VTA1: variants seen among roughly 807,000 people sequenced by gnomAD.
VTA1 encodes the protein vacuolar protein sorting-associated protein VTA1 homolog.
In VTA1, 24 loss-of-function variants were observed where a neutral mutation model predicts 36.9. That is an observed-to-expected ratio of 0.65 (90% confidence interval 0.47 to 0.91). VTA1 has a LOEUF of 0.91. VTA1 is among the 40% of genes least tolerant of loss of function. The pLI, the probability that VTA1 is intolerant of heterozygous loss-of-function variation, is 0.00. For synonymous variants in VTA1, 142 were observed against 130.2 expected (o/e 1.09, Z -0.62); for missense variants, 393 against 377.2 (o/e 1.04, Z -0.35).
intron 1 of VTA1, among the ~76,000 whole-genome samples, chr6:142,155,059 ATAG>A (rs1562254350): frequency 6.6e-6 from 1 of 152,124 alleles, no homozygotes; most frequent in South Asian, 2.1e-4. Flanking sequence ...CATTCTTGAT[ATAG>A]TAGTTTTCTA....
chr6:142,223,760 C>G lies in VTA1; in HGVS notation c.*5117C>G, dbSNP rs180710345. The G allele has an allele frequency of 1.3e-5, 2 of 152,084 alleles. No individual in the cohort carries two copies. The highest frequency in any genetic ancestry group is 2.9e-5 in the Non-Finnish European group (2 of 68,008). The allele number at this position is 152,084 out of a possible 1,614,324, so 9.4% of individuals were successfully genotyped here. A position where few individuals can be genotyped will look rare whatever the true frequency, so the allele number is the denominator to read the frequency against. On this transcript the variant is annotated 3_prime_UTR_variant, in exon 8 of 8. Transcript: ENST00000367630. ...ATAATGCCATACTGGATATTATATA[C>G]GAGTTACAATAATTCTTCCTAAAGT...
chr6:142,202,438 C>G lies in VTA1; in HGVS notation c.698-1547C>G, dbSNP rs527625938. 7.9e-5 allele frequency among the ~76,000 whole-genome samples: 12 copies of G among 151,944 alleles called. 1 individual carries two copies. In the East Asian group the frequency reaches 2.3e-3, roughly 29 times the overall value. On this transcript the variant is annotated intron_variant, in intron 6 of 7. Coordinates refer to ENST00000367630, the MANE Select transcript of VTA1 (RefSeq NM_016485.5). ...TGGAAATTAAAACTTAAATGTCCAT[C>G]AGTAATGGATTGCTTTATAAGCTAT...
chr6:142,153,709 GTGTT>G (rs774232398), intron 1 of VTA1, among the ~76,000 whole-genome samples: 5 of 152,070 alleles, frequency 3.3e-5, no homozygotes, highest in Non-Finnish European at 5.9e-5. Context: ...TATTGTTTAT[GTGTT>G]TGAACTTTTT....
At chr6:142,170,745 T>C (rs1775014423) in intron 4 of VTA1, among the ~76,000 whole-genome samples, 1 of 151,918 alleles carries the variant, frequency 6.6e-6, no homozygotes, top group Admixed American at 6.6e-5. Context: ...GCAATTCTCC[T>C]GCCTCAGCCT....
intron 1 of VTA1, among the ~76,000 whole-genome samples, chr6:142,150,805 G>A (rs971846250): frequency 1.3e-5 from 2 of 152,092 alleles, no homozygotes; most frequent in Non-Finnish European, 2.9e-5. Flanking sequence ...CTAGCTACTT[G>A]GGAGGCTGAG....
At chr6:142,148,669 T>C (rs77842143) in intron 1 of VTA1, among the ~76,000 whole-genome samples, 1 of 152,098 alleles carries the variant, frequency 6.6e-6, no homozygotes, top group Non-Finnish European at 1.5e-5. Flanking sequence ...ATTAAAAGCT[T>C]ATGAAGACAA....
rs561461949 is a variant in VTA1, at chr6:142,175,345, C to G, written c.411+4924C>G. On this transcript the variant is annotated intron_variant, in intron 4 of 7. Coordinates refer to ENST00000367630, the MANE Select transcript of VTA1 (RefSeq NM_016485.5). ...CGTACTCTGCTTGCTGCCCTATTTG[C>G]CAGTCCTACTTTGTAGACCAGGCTG... 3.9e-5 allele frequency among the ~76,000 whole-genome samples: 6 copies of G among 151,994 alleles called. No individual in the cohort carries two copies. The South Asian group carries it at 1.0e-3, about 26-fold the overall frequency.
At chr6:142,184,658 TAAG>T (rs1024802960) in intron 4 of VTA1, among the ~76,000 whole-genome samples, 1 of 151,974 alleles carries the variant, frequency 6.6e-6, no homozygotes, top group Non-Finnish European at 1.5e-5. Flanking sequence ...GAGAATAGCA[TAAG>T]AAGAGAATGC....
intron 1 of VTA1, among the ~76,000 whole-genome samples, chr6:142,148,413 C>T (rs1778500634): frequency 6.6e-6 from 1 of 152,190 alleles, no homozygotes; most frequent in African/African-American, 2.4e-5. Flanking sequence ...GTCACCACTT[C>T]TGTGGGCAGC....
intron 1 of VTA1, among the ~76,000 whole-genome samples, chr6:142,159,237 A>C (rs1774730279): frequency 6.6e-6 from 1 of 151,810 alleles, no homozygotes; most frequent in Non-Finnish European, 1.5e-5. Flanking sequence ...GGTGTCCCGC[A>C]CCTGTAGTCT....
intron 4 of VTA1, among the ~76,000 whole-genome samples, chr6:142,182,673 A>T (rs1582890014): frequency 6.6e-6 from 1 of 152,320 alleles, no homozygotes; most frequent in East Asian, 1.9e-4. Context: ...GTGGCCATTT[A>T]TAGAGTTGGT....
rs971864275 is a variant in VTA1 at position 142,181,681 on chromosome 6, G to A, written c.412-7745G>A. 3.3e-5 allele frequency among the ~76,000 whole-genome samples: 5 copies of A among 151,162 alleles called. No homozygotes were observed. In the East Asian group the frequency reaches 5.8e-4, roughly 18 times the overall value. On this transcript the variant is annotated intron_variant, in intron 4 of 7. Coordinates refer to ENST00000367630, the MANE Select transcript of VTA1 (RefSeq NM_016485.5). Reference sequence around the variant, plus strand: ...GTAGATTAAGTATTAAACAGTTACCGACCTTACCTTGTTTGGAAATCTTTT... The same window carrying A: ...GTAGATTAAGTATTAAACAGTTACCAACCTTACCTTGTTTGGAAATCTTTT...
At chr6:142,161,077 TTCCCCCC>T (rs1774797731) in intron 1 of VTA1, among the ~76,000 whole-genome samples, 1 of 90,828 alleles carries the variant, frequency 1.1e-5, no homozygotes, top group Admixed American at 1.4e-4. Context: ...GCTTCCTTCC[TTCCCCCC>T]CCCCCCTTTT....
At chr6:142,204,321 T>C (rs538706887) in intron 7 of VTA1, among the ~76,000 whole-genome samples, 1 of 152,308 alleles carries the variant, frequency 6.6e-6, no homozygotes, top group African/African-American at 2.4e-5. Flanking sequence ...CTACCGGATA[T>C]TGAAGAACAA....
intron 4 of VTA1, among the ~76,000 whole-genome samples, chr6:142,184,285 A>G (rs1250568974): frequency 6.6e-6 from 1 of 152,198 alleles, no homozygotes; most frequent in Non-Finnish European, 1.5e-5. Flanking sequence ...ATGAGTGGCT[A>G]ACTTTACTAC....
chr6:142,215,162 G>A (rs1450080388), intron 7 of VTA1, among the ~76,000 whole-genome samples: 1 of 152,122 alleles, frequency 6.6e-6, no homozygotes, highest in African/African-American at 2.4e-5. Context: ...GCATTGGCCA[G>A]GCGCGGTGGC....
intron 1 of VTA1, among the ~76,000 whole-genome samples, chr6:142,160,836 C>T (rs541909204): frequency 2.0e-5 from 3 of 152,162 alleles, no homozygotes; most frequent in African/African-American, 4.8e-5. Context: ...ACTTAGTGTT[C>T]GCCATGTGTC....
chr6:142,184,314 A>G (rs1193815971), intron 4 of VTA1, among the ~76,000 whole-genome samples: 1 of 152,208 alleles, frequency 6.6e-6, no homozygotes, highest in Non-Finnish European at 1.5e-5. Context: ...TATGACCTTC[A>G]GTAAATTACT....
At chr6:142,179,209 G>A (rs938263840) in intron 4 of VTA1, among the ~76,000 whole-genome samples, 2 of 151,936 alleles carry the variant, frequency 1.3e-5, no homozygotes, top group Non-Finnish European at 2.9e-5. Context: ...CACGAATAAC[G>A]AGTGGCCACA....
Sources: allele counts gnomAD v4.1 joint callset (sites outside exome capture counted in the v4.1 genomes callset), GRCh38; gene constraint gnomAD v4.1.1; transcripts MANE v1.5; gene names NCBI Gene and HGNC (gene_info 2026-07-23, HGNC 2026-07-21).